The following WWOX variants were observed in gnomAD, a reference collection of about 807,000 sequenced individuals.
WWOX encodes WW domain-containing oxidoreductase.
WWOX carries 69 observed loss-of-function variants against 46.2 expected under a neutral mutation model. That is an observed-to-expected ratio of 1.49 (90% confidence interval 1.23 to 1.82). WWOX has a LOEUF of 1.82. WWOX is among the 40% of genes most tolerant of loss of function. The pLI, the probability that WWOX is intolerant of heterozygous loss-of-function variation, is 0.00. For synonymous variants in WWOX, 359 were observed against 202.6 expected, an observed-to-expected ratio of 1.77 and a Z score of -6.56; for missense variants, 919 against 542.6, an observed-to-expected ratio of 1.69 and a Z score of -6.89.
intron 8 of WWOX, among the ~76,000 whole-genome samples, chr16:78,808,618 T>G (rs1018039858): frequency 1.3e-5 from 2 of 152,158 alleles, no homozygotes; most frequent in Admixed American, 1.3e-4. Context: ...CTTCATTGGT[T>G]TAAAATAAAC....
chr16:78,778,496 T>A (rs974167821), intron 8 of WWOX, among the ~76,000 whole-genome samples: 20 of 152,212 alleles, frequency 1.3e-4, no homozygotes, highest in Non-Finnish European at 2.9e-5. Flanking sequence ...CTGGTCTCAG[T>A]ATGACTGTGA....
At chr16:78,797,935 T>C (rs996125637) in intron 8 of WWOX, among the ~76,000 whole-genome samples, 3 of 152,094 alleles carry the variant, frequency 2.0e-5, no homozygotes, top group Non-Finnish European at 4.4e-5. Flanking sequence ...CGGTAGTGAG[T>C]CATGGTCACA....
At position 78,879,555 on chromosome 16, in the gene WWOX, C is replaced by T. The variant is rs1028429028; in HGVS notation, c.1057-332053C>T. 3.3e-5 allele frequency among the ~76,000 whole-genome samples: 5 copies of T among 152,196 alleles called. No homozygotes were observed. The East Asian group carries it at 5.8e-4, about 18-fold the overall frequency. ...CCTCGTGACCACCAAATCTGATTTC[C>T]ATCCAAGAGGCAACATTGTTTGTGC... is the stretch of plus-strand genomic sequence containing the variant. On this transcript the variant is annotated intron_variant, in intron 8 of 8. Coordinates refer to ENST00000566780, the MANE Select transcript of WWOX (RefSeq NM_016373.4).
At chr16:78,924,751 A>C (rs1346222000) in intron 8 of WWOX, among the ~76,000 whole-genome samples, 1 of 152,222 alleles carries the variant, frequency 6.6e-6, no homozygotes, top group Non-Finnish European at 1.5e-5. Flanking sequence ...AGCTTCCTAT[A>C]TGATGTCTTC....
At chr16:79,016,255 C>T (rs928885630) in intron 8 of WWOX, 8 of 152,126 alleles carry the variant, frequency 5.3e-5, no homozygotes, top group African/African-American at 1.9e-4. Context: ...GGGGTTCTTT[C>T]CTCTCCTTTG....
chr16:78,689,186 G>C (rs8049301), intron 8 of WWOX, among the ~76,000 whole-genome samples: 103,192 of 151,876 alleles, frequency 0.68, 35,786 homozygotes, highest in South Asian at 0.75. Flanking sequence ...AACAAAGAAT[G>C]ATTCAGCCCA....
At chr16:79,106,171 C>T (rs926485027) in intron 8 of WWOX, among the ~76,000 whole-genome samples, 1 of 152,172 alleles carries the variant, frequency 6.6e-6, no homozygotes, top group African/African-American at 2.4e-5. Flanking sequence ...AGGGCCCAGC[C>T]GTCTATATTT....
rs1440708865 is a variant in WWOX, at chr16:79,177,859, G to C, written c.1057-33749G>C. 3.9e-5 allele frequency among the ~76,000 whole-genome samples: 6 copies of C among 152,166 alleles called. No homozygotes were observed. In the South Asian group the frequency reaches 6.2e-4, roughly 16 times the overall value. On this transcript the variant is annotated intron_variant, in intron 8 of 8. Transcript: ENST00000566780. The stretch of plus-strand genomic sequence containing the variant: ...TTACTTTGTTCAGGCTGCTATAACA[G>C]ATACCATAAACTAGGTAGCTTATAA...
At chr16:78,455,307 A>C (rs897094303) in intron 8 of WWOX, among the ~76,000 whole-genome samples, 5 of 151,140 alleles carry the variant, frequency 3.3e-5, no homozygotes, top group Non-Finnish European at 5.9e-5. Context: ...GGTGCTAAAA[A>C]CCTCAGTAAT....
At chr16:78,595,143 C>T (rs1186327754) in intron 8 of WWOX, among the ~76,000 whole-genome samples, 5 of 152,218 alleles carry the variant, frequency 3.3e-5, no homozygotes, top group African/African-American at 9.6e-5. Context: ...CCTGCAAAAG[C>T]AACCTCTGAG....
chr16:78,848,911 G>T (rs1045243115), intron 8 of WWOX, among the ~76,000 whole-genome samples: 2 of 151,862 alleles, frequency 1.3e-5, no homozygotes, highest in East Asian at 3.9e-4. Context: ...AGATAAGTTA[G>T]TACGCTTCTT....
At chr16:79,109,949 C>T (rs758084435) in intron 8 of WWOX, among the ~76,000 whole-genome samples, 2 of 152,158 alleles carry the variant, frequency 1.3e-5, no homozygotes, top group Non-Finnish European at 2.9e-5. Context: ...ATGTCAGTTG[C>T]ATGGAAATGA....
chr16:78,930,986 C>G (rs1403504859), intron 8 of WWOX, among the ~76,000 whole-genome samples: 1 of 152,188 alleles, frequency 6.6e-6, no homozygotes, highest in East Asian at 1.9e-4. Context: ...TCAGTTTCCT[C>G]ATCCATAAGA....
At chr16:78,222,506 A>C (rs975733494) in intron 5 of WWOX, among the ~76,000 whole-genome samples, 30 of 152,304 alleles carry the variant, frequency 2.0e-4, no homozygotes, top group African/African-American at 6.0e-4. Context: ...CTGAAGAAAG[A>C]GAGAAAAAAA....
intron 5 of WWOX, among the ~76,000 whole-genome samples, chr16:78,348,268 G>A (rs1242633206): frequency 8.3e-6 from 1 of 120,994 alleles, no homozygotes; most frequent in Non-Finnish European, 2.0e-5. Flanking sequence ...TGTAAGTAGA[G>A]AAGCTGGAAT....
chr16:79,163,062 G>T (rs1453462399), intron 8 of WWOX, among the ~76,000 whole-genome samples: 1 of 152,216 alleles, frequency 6.6e-6, no homozygotes, highest in Non-Finnish European at 1.5e-5. Context: ...CAAACACACA[G>T]GATGAGGCCT....
chr16:78,355,096 C>A (rs375735153), intron 5 of WWOX, among the ~76,000 whole-genome samples: 4 of 151,902 alleles, frequency 2.6e-5, no homozygotes, highest in South Asian at 4.2e-4. Context: ...GGAGCCACTG[C>A]ACTCCAGCCT....
At chr16:78,395,208 C>G (rs1158431889) in intron 6 of WWOX, among the ~76,000 whole-genome samples, 1 of 152,134 alleles carries the variant, frequency 6.6e-6, no homozygotes, top group African/African-American at 2.4e-5. Flanking sequence ...AAGTGTGGGT[C>G]TCATAAGGGC....
intron 8 of WWOX, among the ~76,000 whole-genome samples, chr16:78,902,488 T>G (rs2044854535): frequency 6.6e-6 from 1 of 152,226 alleles, no homozygotes; most frequent in Non-Finnish European, 1.5e-5. Flanking sequence ...TTAAGGCATT[T>G]CACAATGTCA....
Sources: gnomAD v4.1 joint callset for allele counts (sites outside exome capture counted in the v4.1 genomes callset) on GRCh38, gnomAD v4.1.1 for gene constraint, MANE v1.5 for transcripts, NCBI Gene and HGNC (gene_info 2026-07-23, HGNC 2026-07-21) for gene names.